The following ULK2 variants were observed in gnomAD, a reference collection of about 807,000 sequenced individuals.
ULK2 encodes the protein unc-51 like autophagy activating kinase 2, also known as serine/threonine-protein kinase ULK2.
ULK2 carries 76 observed loss-of-function variants against 127.5 expected under a neutral mutation model. That is an observed-to-expected ratio of 0.60 (90% confidence interval 0.50 to 0.72). The LOEUF is 0.72. Among genes scored for constraint, ULK2 ranks in the 30% least tolerant of loss-of-function variants. ULK2 has a pLI of 0.00. For missense variants in ULK2, 1,144 were observed against 1,295.9 expected (o/e 0.88, Z 1.80); for synonymous variants, 452 against 461.9 (o/e 0.98, Z 0.28).
chr17:19,826,911 C>G (rs1416537127), intron 10 of ULK2, among the ~76,000 whole-genome samples: 1 of 151,092 alleles, frequency 6.6e-6, no homozygotes, highest in Non-Finnish European at 1.5e-5. Context: ...GAGCCGAGAT[C>G]GCGCCACTGC....
At position 19,772,588 on chromosome 17, in the gene ULK2, A is replaced by C. The variant is rs1478923489; in HGVS notation, c.*3761T>G. 6.6e-6 allele frequency: 1 copy of C among 152,226 alleles called. No homozygotes were observed. The highest frequency in any genetic ancestry group is 1.5e-5 in the Non-Finnish European group (1 of 68,026). 9.4% of individuals were successfully genotyped at this position (152,226 alleles called of 1,614,324 possible). ...GAGAAATACTGATCAATCTTGCTTT[A>C]TTCCAGAAAGAATTTAAGACTGCTT... On this transcript the variant is annotated 3_prime_UTR_variant, in exon 27 of 27. Coordinates refer to ENST00000395544, the MANE Select transcript of ULK2 (RefSeq NM_014683.4).
intron 10 of ULK2, among the ~76,000 whole-genome samples, chr17:19,834,722 G>C (rs1432812613): frequency 6.6e-6 from 1 of 151,864 alleles, no homozygotes; most frequent in African/African-American, 2.4e-5. Context: ...AACCAGCCTG[G>C]GCAACATGGC....
At chr17:19,814,620 C>T (rs2040941426) in intron 13 of ULK2, among the ~76,000 whole-genome samples, 1 of 151,572 alleles carries the variant, frequency 6.6e-6, no homozygotes. Context: ...CCATGATGCC[C>T]TGGCTGGTCT....
At chr17:19,811,432 CTTTTT>C (rs970072108) in intron 13 of ULK2, among the ~76,000 whole-genome samples, 3 of 146,188 alleles carry the variant, frequency 2.1e-5, no homozygotes, top group Non-Finnish European at 4.5e-5. Flanking sequence ...TTTCAAGTAA[CTTTTT>C]TTTTTTTAAT....
chr17:19,838,359 A>T, intron 10 of ULK2, 142 bp downstream of exon 10: 1 of 699,808 alleles, frequency 1.4e-6, no homozygotes, highest in Non-Finnish European at 2.4e-6. Context: ...GCACTCAATA[A>T]ATATTTACGA....
chr17:19,826,258 A>C, intron 10 of ULK2, 72 bp from the exon 11 acceptor site: 19 of 923,940 alleles, frequency 2.1e-5, no homozygotes, highest in Non-Finnish European at 2.8e-5. Context: ...ATTTTTTCTC[A>C]ACGTATTCAA....
intron 3 of ULK2, among the ~76,000 whole-genome samples, chr17:19,863,916 T>C (rs1377386115): frequency 2.0e-5 from 3 of 152,190 alleles, no homozygotes; most frequent in Admixed American, 1.3e-4. Flanking sequence ...CCTATAATCA[T>C]AGATATAACT....
At chr17:19,867,272 C>T in intron 1 of ULK2, 56 bp downstream of exon 1, 1 of 1,382,260 alleles carries the variant, frequency 7.2e-7, no homozygotes, top group Non-Finnish European at 9.5e-7. Context: ...AGTTTCAGAA[C>T]CACCTAGCCC....
At chr17:19,776,851 A>C (rs17720749) in intron 26 of ULK2, among the ~76,000 whole-genome samples, 1,574 of 152,358 alleles carry the variant, frequency 0.01, 13 homozygotes, top group Middle Eastern at 0.027. Flanking sequence ...ATGAGGCTTA[A>C]AACAGTTACA....
intron 5 of ULK2, chr17:19,848,258 C>T (rs968491711): frequency 3.9e-5 from 6 of 152,198 alleles, no homozygotes; most frequent in Admixed American, 3.3e-4. Context: ...TCCTTACCTA[C>T]ACTGAGGATT....
chr17:19,788,170 C>T (rs2087075948), intron 20 of ULK2, among the ~76,000 whole-genome samples: 2 of 152,062 alleles, frequency 1.3e-5, no homozygotes, highest in African/African-American at 2.4e-5. Context: ...CTAGCCAAAT[C>T]CTGGTGCCGT....
intron 10 of ULK2, among the ~76,000 whole-genome samples, chr17:19,827,582 T>G (rs1253055648): frequency 6.6e-6 from 1 of 152,194 alleles, no homozygotes; most frequent in Non-Finnish European, 1.5e-5. Flanking sequence ...ATTTCTCTGG[T>G]CTGACATTTT....
At chr17:19,780,941 A>G in intron 24 of ULK2, 45 bp downstream of exon 24, 1 of 1,558,088 alleles carries the variant, frequency 6.4e-7, no homozygotes, top group Non-Finnish European at 8.8e-7. Context: ...GGAAAGAGCA[A>G]CTTAAGGACT....
intron 13 of ULK2, chr17:19,810,813 C>T (rs1313738998): frequency 1.2e-5 from 2 of 164,762 alleles, no homozygotes; most frequent in Non-Finnish European, 1.3e-5. Context: ...ACTATTTGCA[C>T]ATAACTTTAT....
At chr17:19,847,024 G>A in intron 5 of ULK2, 114 bp from the exon 6 acceptor site, 1 of 960,548 alleles carries the variant, frequency 1.0e-6, no homozygotes, top group Non-Finnish European at 1.4e-6. Flanking sequence ...GAGGAATTTG[G>A]ATTCACATTT....
At chr17:19,788,509 C>T (rs1406511738) in intron 20 of ULK2, among the ~76,000 whole-genome samples, 1 of 151,944 alleles carries the variant, frequency 6.6e-6, no homozygotes, top group African/African-American at 2.4e-5. Flanking sequence ...CCAGTCCTGG[C>T]AGGATTCATC....
Position 19,796,225 on chromosome 17 carries a change from C to T in ULK2, c.1867G>A (p.Val623Ile), listed in dbSNP as rs746439293. Residue 623 changes from valine to isoleucine, a missense_variant, in exon 19 of 27, where the codon GTT becomes ATT. Physicochemically the swap from Val to Ile is conservative, Grantham distance 29. Coordinates refer to ENST00000395544, the MANE Select transcript of ULK2 (RefSeq NM_014683.4). ...TCTTCAGCAGGCCCATGACGAGTAA[C>T]CAAGGCTAACAGGTTGGAAGATGCT... ...TQASSNLLAL[V>I]TRHGPAEEQS... 15 of 1,613,974 alleles carry T rather than the reference C, an allele frequency of 9.3e-6. No homozygotes were observed. In the Admixed American group the frequency reaches 2.2e-4, roughly 23 times the overall value.
intron 20 of ULK2, among the ~76,000 whole-genome samples, chr17:19,789,591 T>C (rs897042229): frequency 3.3e-5 from 5 of 152,124 alleles, no homozygotes; most frequent in African/African-American, 4.8e-5. Context: ...AACAGATACA[T>C]AACCTTTCAG....
At chr17:19,863,919 A>T (rs1165626288) in intron 3 of ULK2, among the ~76,000 whole-genome samples, 1 of 152,196 alleles carries the variant, frequency 6.6e-6, no homozygotes, top group Non-Finnish European at 1.5e-5. Context: ...ATAATCATAG[A>T]TATAACTGGG....
Sources: gnomAD v4.1 joint callset for allele counts (sites outside exome capture counted in the v4.1 genomes callset) on GRCh38, gnomAD v4.1.1 for gene constraint, MANE v1.5 for transcripts, NCBI Gene and HGNC (gene_info 2026-07-23, HGNC 2026-07-21) for gene names.